KIF21A: variants seen among roughly 807,000 people sequenced by gnomAD.
The protein encoded by KIF21A is kinesin-like protein KIF21A.
In KIF21A, 114 loss-of-function variants were observed where a neutral mutation model predicts 202.9. The ratio of observed to expected loss-of-function variants is 0.56; its 90% confidence interval spans 0.48 to 0.66. The LOEUF (loss-of-function observed/expected upper bound fraction) is 0.66, where lower values mean the gene tolerates loss of function less well. KIF21A is among the 30% of genes least tolerant of loss of function. The probability of loss-of-function intolerance (pLI) is 0.00; values close to 1 mark genes in which losing one functional copy is unlikely to be tolerated. For synonymous variants in KIF21A, 667 were observed against 670.8 expected (o/e 0.99, Z 0.09); for missense variants, 1,677 against 1,994.9 (o/e 0.84, Z 3.04).
chr12:39,389,307 A>G (rs769701809), intron 1 of KIF21A, among the ~76,000 whole-genome samples: 4 of 152,162 alleles, frequency 2.6e-5, no homozygotes, highest in African/African-American at 4.8e-5. Flanking sequence ...CAGTTCACAT[A>G]TGCTTTTATG....
chr12:39,314,427 C>G (rs767145994), intron 31 of KIF21A, among the ~76,000 whole-genome samples: 67 of 151,868 alleles, frequency 4.4e-4, no homozygotes, highest in Admixed American at 7.2e-4. Flanking sequence ...CTGAAGCCAT[C>G]AAATTTACAC....
At chr12:39,436,448 A>ATATATATATATAT (rs1387332677) in intron 1 of KIF21A, among the ~76,000 whole-genome samples, 34 of 95,758 alleles carry the variant, frequency 3.6e-4, no homozygotes, top group African/African-American at 1.3e-3. Context: ...ATATATATAT[A>ATATATATATATAT]TTTTTTTTTT....
intron 1 of KIF21A, among the ~76,000 whole-genome samples, chr12:39,386,288 G>A (rs1247690445): frequency 6.6e-6 from 1 of 152,054 alleles, no homozygotes; most frequent in Non-Finnish European, 1.5e-5. Context: ...CGGTCAGGGT[G>A]CACTATTCCA....
intron 1 of KIF21A, among the ~76,000 whole-genome samples, chr12:39,437,821 G>A (rs1592754561): frequency 6.6e-6 from 1 of 152,034 alleles, no homozygotes; most frequent in Non-Finnish European, 1.5e-5. Flanking sequence ...AAGGATGAAA[G>A]GAATAAATAA....
chr12:39,361,611 T>C (rs1287443083), intron 7 of KIF21A, among the ~76,000 whole-genome samples: 2 of 141,100 alleles, frequency 1.4e-5, no homozygotes, highest in Non-Finnish European at 3.0e-5. Context: ...GTTCACGCCA[T>C]TCTCCTGCCT....
intron 32 of KIF21A, 24 bp from the exon 33 acceptor site, chr12:39,309,790 GA>G: frequency 6.3e-7 from 1 of 1,591,406 alleles, no homozygotes; most frequent in Non-Finnish European, 8.6e-7. Context: ...ATAAAAAAAA[GA>G]AAACACCATT....
chr12:39,398,325 C>A (rs540467631), intron 1 of KIF21A, among the ~76,000 whole-genome samples: 1 of 152,258 alleles, frequency 6.6e-6, no homozygotes, highest in South Asian at 2.1e-4. Context: ...ATAGGCCGGA[C>A]ATGGTGGTTC....
At chr12:39,379,635 G>A (rs1950486773) in intron 1 of KIF21A, among the ~76,000 whole-genome samples, 1 of 152,170 alleles carries the variant, frequency 6.6e-6, no homozygotes, top group Non-Finnish European at 1.5e-5. Flanking sequence ...AGCAATGGGA[G>A]GTATCAGTAG....
At chr12:39,349,801 A>G (rs1027697684) in intron 11 of KIF21A, among the ~76,000 whole-genome samples, 1 of 152,044 alleles carries the variant, frequency 6.6e-6, no homozygotes, top group Non-Finnish European at 1.5e-5. Context: ...TAAATACTAT[A>G]AATTTTTATA....
intron 10 of KIF21A, among the ~76,000 whole-genome samples, chr12:39,353,225 A>T (rs2138721360): frequency 6.6e-6 from 1 of 152,156 alleles, no homozygotes; most frequent in South Asian, 2.1e-4. Flanking sequence ...GGGTCTCACT[A>T]TATTGCCCAG....
In KIF21A at chr12:39,330,739, A is replaced by G. The variant is rs1031998008; in HGVS notation, c.3319+7T>C. Reference sequence around the variant, plus strand: ...AATTCATTCAACTAAAATTGAGAGCAAATTACCTTGTAAAGCATGGCCTAG... The same window carrying G: ...AATTCATTCAACTAAAATTGAGAGCGAATTACCTTGTAAAGCATGGCCTAG... On this transcript the variant is annotated splice_region_variant and intron_variant, in intron 23 of 37. Coordinates refer to ENST00000361418, the MANE Select transcript of KIF21A (RefSeq NM_001173464.2). 4 of 1,613,594 alleles carry G rather than the reference A, an allele frequency of 2.5e-6. No individual in the cohort carries two copies. The Admixed American group carries it at 6.7e-5, about 27-fold the overall frequency.
Position 39,341,568 on chromosome 12 carries a change from C to G in KIF21A, c.1858G>C (p.Glu620Gln). 6.2e-7 allele frequency: 1 copy of G among 1,606,228 alleles called. No homozygotes were observed. Among genetic ancestry groups the G allele is most frequent in the Non-Finnish European group, 8.5e-7 (1 of 1,173,440 alleles). ...HEDEEEEEEEEEDDIDGGESS... is the reference protein window; with the variant it reads ...HEDEEEEEEEQEDDIDGGESS... Reference sequence around the variant, plus strand: ...TCACCCCCATCAATGTCATCTTCCTCCTCCTCCTCCTCCTCTTCTTCATCC... The same window carrying G: ...TCACCCCCATCAATGTCATCTTCCTGCTCCTCCTCCTCCTCTTCTTCATCC... Residue 620 changes from glutamate to glutamine, a missense_variant, in exon 14 of 38, where the codon GAG becomes CAG. By Grantham distance (29) the Glu-to-Gln change is conservative. This residue lies in a region of KIF21A where 966 missense variants were observed against 1,180.9 expected (regional missense o/e 0.82). Coordinates refer to ENST00000361418, the MANE Select transcript of KIF21A (RefSeq NM_001173464.2).
In KIF21A at chr12:39,435,206, T is replaced by A. The variant is rs539788263; in HGVS notation, c.44+7721A>T. ...AAGCAGATGGATGTGCCCAAGTAGA[T>A]TGACCCTGGGGTTAAATCCTGAATG... On this transcript the variant is annotated intron_variant, in intron 1 of 37. Transcript: ENST00000361418. 7.2e-5 allele frequency among the ~76,000 whole-genome samples: 11 copies of A among 152,300 alleles called. No homozygotes were observed. The South Asian group carries it at 1.9e-3, about 26-fold the overall frequency.
At chr12:39,366,271 AT>A in intron 6 of KIF21A, 78 bp downstream of exon 6, 1 of 1,277,572 alleles carries the variant, frequency 7.8e-7, no homozygotes, top group Non-Finnish European at 1.1e-6. Context: ...GGATTTCCAT[AT>A]GGATATTATA....
chr12:39,299,971 G>T (rs918484116), intron 37 of KIF21A, among the ~76,000 whole-genome samples: 1 of 151,894 alleles, frequency 6.6e-6, no homozygotes, highest in Non-Finnish European at 1.5e-5. Context: ...GTGGGAGGAA[G>T]GAGAAGAGCA....
In KIF21A at chr12:39,363,200, T is replaced by C; in HGVS notation, c.917A>G (p.Asn306Ser). 6.2e-7 allele frequency: 1 copy of C among 1,606,874 alleles called. No individual in the cohort carries two copies. Among genetic ancestry groups the C allele is most frequent in the Non-Finnish European group, 8.5e-7 (1 of 1,173,894 alleles). Residue 306 changes from asparagine to serine, a missense_variant, in exon 7 of 38, where the codon AAT becomes AGT. Asn to Ser is a conservative substitution (Grantham distance 46). This residue lies in a region of KIF21A where 966 missense variants were observed against 1,180.9 expected (regional missense o/e 0.82). Coordinates refer to ENST00000361418, the MANE Select transcript of KIF21A (RefSeq NM_001173464.2). ...CTTGTCTCCCAAGGCACTTATTACA[T>C]TGCCAAGTGCCAACTAAAAGAAAGA... ...SINCGLLALGNVISALGDKSK... is the reference protein window; with the variant it reads ...SINCGLLALGSVISALGDKSK...
chr12:39,326,378 G>C (rs770839779), intron 24 of KIF21A, 54 bp from the exon 25 acceptor site: 10 of 1,220,838 alleles, frequency 8.2e-6, no homozygotes, highest in African/African-American at 1.5e-5. Flanking sequence ...AGTTTGAATG[G>C]TGACTGCAAT....
intron 1 of KIF21A, among the ~76,000 whole-genome samples, chr12:39,411,983 C>T (rs1400993437): frequency 3.3e-5 from 5 of 151,920 alleles, no homozygotes; most frequent in African/African-American, 7.3e-5. Context: ...TACAGGTGCA[C>T]GCCACTGCAC....
At position 39,369,709 on chromosome 12, in the gene KIF21A, T is replaced by A; in HGVS notation, c.450+20A>T. 1.3e-6 allele frequency: 2 copies of A among 1,598,664 alleles called. No homozygotes were observed. Among genetic ancestry groups the A allele is most frequent in the South Asian group, 2.2e-5 (2 of 90,284 alleles). ...AAGAACAAAATTTAAAAGAAATTAATGCCAAAATTGGATTATTACCTCTAA... is the reference window on the plus strand; with the variant it reads ...AAGAACAAAATTTAAAAGAAATTAAAGCCAAAATTGGATTATTACCTCTAA... On this transcript the variant is annotated intron_variant, in intron 3 of 37. Transcript: ENST00000361418.
Sources: gnomAD v4.1 joint callset for allele counts (sites outside exome capture counted in the v4.1 genomes callset) on GRCh38, gnomAD v4.1.1 for gene constraint, gnomAD v4.1.1 regional missense constraint, MANE v1.5 for transcripts, NCBI Gene and HGNC (gene_info 2026-07-23, HGNC 2026-07-21) for gene names.